Variants in AGBL1 observed in about 807,000 individuals in gnomAD.
AGBL1 encodes cytosolic carboxypeptidase 4.
AGBL1 carries 130 observed loss-of-function variants against 118.9 expected under a neutral mutation model. That is an observed-to-expected ratio of 1.09 (90% CI 0.95 to 1.26). The LOEUF (loss-of-function observed/expected upper bound fraction) is 1.26. AGBL1 is among the 50% of genes most tolerant of loss of function. The probability of loss-of-function intolerance (pLI) is 0.00; values close to 1 mark genes in which losing one functional copy is unlikely to be tolerated. For missense variants in AGBL1, 1,584 were observed against 1,298.1 expected, an observed-to-expected ratio of 1.22 and a Z score of -3.38; for synonymous variants, 555 against 478.9, an observed-to-expected ratio of 1.16 and a Z score of -2.08.
intron 17 of AGBL1, among the ~76,000 whole-genome samples, chr15:86,304,455 C>T (rs2141807882): frequency 6.6e-6 from 1 of 152,296 alleles, no homozygotes; most frequent in Admixed American, 6.5e-5. Context: ...CATGACCTTG[C>T]TACTTTTTTT....
chr15:86,918,057 A>C (rs1179378795), downstream of AGBL1, among the ~76,000 whole-genome samples: 2 of 152,214 alleles, frequency 1.3e-5, no homozygotes, highest in African/African-American at 4.8e-5. Flanking sequence ...AAGCCACCAA[A>C]GAGAATTCAG....
chr15:86,689,719 GA>G (rs1267278222), intron 22 of AGBL1, among the ~76,000 whole-genome samples: 8 of 152,022 alleles, frequency 5.3e-5, no homozygotes, highest in Non-Finnish European at 1.2e-4. Flanking sequence ...TGTAACTATA[GA>G]AACGATTGTC....
intron 18 of AGBL1, among the ~76,000 whole-genome samples, chr15:86,475,109 C>A (rs988331718): frequency 1.3e-5 from 2 of 152,130 alleles, no homozygotes; most frequent in Non-Finnish European, 2.9e-5. Flanking sequence ...GCAGATAAAA[C>A]CACAAAAGTG....
chr15:86,318,876 G>T (rs2080061723), intron 17 of AGBL1, among the ~76,000 whole-genome samples: 1 of 151,960 alleles, frequency 6.6e-6, no homozygotes, highest in Non-Finnish European at 1.5e-5. Context: ...GGTCTGTGAT[G>T]TACATTGTAG....
chr15:86,461,908 T>A (rs1452904756), intron 18 of AGBL1, among the ~76,000 whole-genome samples: 2 of 152,214 alleles, frequency 1.3e-5, no homozygotes, highest in East Asian at 3.9e-4. Context: ...GGCAATCGCA[T>A]CAAGGTGAGC....
intron 23 of AGBL1, among the ~76,000 whole-genome samples, chr15:86,926,794 G>A (rs1281996937): frequency 2.0e-5 from 3 of 152,190 alleles, no homozygotes; most frequent in African/African-American, 7.2e-5. Flanking sequence ...GAATTTCTAT[G>A]CATCATCAGA....
intron 22 of AGBL1, among the ~76,000 whole-genome samples, chr15:86,741,991 TA>T (rs1249923014): frequency 2.0e-5 from 3 of 147,764 alleles, no homozygotes; most frequent in East Asian, 2.0e-4. Context: ...TTTTTTTTTT[TA>T]AACTATGAGT....
chr15:86,161,259 C>T (rs1015017792), intron 5 of AGBL1, among the ~76,000 whole-genome samples: 1 of 152,186 alleles, frequency 6.6e-6, no homozygotes, highest in Non-Finnish European at 1.5e-5. Flanking sequence ...AGGAAAGAGG[C>T]TTTTCCACCA....
At chr15:86,996,776 T>C (rs2081384130) in intron 24 of AGBL1, among the ~76,000 whole-genome samples, 1 of 152,204 alleles carries the variant, frequency 6.6e-6, no homozygotes, top group Non-Finnish European at 1.5e-5. Flanking sequence ...ATAAGAATCA[T>C]TTACAATTCA....
chr15:86,837,852 A>G lies in AGBL1; in HGVS notation c.3159-69235A>G, dbSNP rs536839961. Among the ~76,000 whole-genome samples, 52 of 152,272 alleles carry G rather than the reference A, an allele frequency of 3.4e-4. 1 individual carries two copies. Among genetic ancestry groups the G allele is most frequent in the African/African-American group, 1.1e-3 (47 of 41,566 alleles). ...TGAAGACCAACCTTTCTTTCAGGCTAGTTCTGTATTCTCTTGCTAAGAGAC... is the reference window on the plus strand; with the variant it reads ...TGAAGACCAACCTTTCTTTCAGGCTGGTTCTGTATTCTCTTGCTAAGAGAC... On this transcript the variant is annotated intron_variant, in intron 22 of 22. Coordinates refer to ENST00000614907, the MANE Select transcript of AGBL1 (RefSeq NM_001386094.1).
Position 86,256,972 on chromosome 15 carries a change from G to T in AGBL1, c.855G>T (p.Pro285=). The change falls in exon 8 of 23, where the codon CCG becomes CCT. Residue 285 remains proline (P), a synonymous_variant. Coordinates refer to ENST00000614907, the MANE Select transcript of AGBL1 (RefSeq NM_001386094.1). The stretch of plus-strand genomic sequence containing the variant: ...CAGCCAGCAGTGCCTATGCCTTCCC[G>T]GTCCCCGGGTGCATCACCACTGAAC... ...LVTASSAYAF[P]VPGCITTEPP... 1.9e-6 allele frequency: 3 copies of T among 1,613,840 alleles called. No homozygotes were observed. The highest frequency in any genetic ancestry group is 1.1e-5 in the South Asian group (1 of 91,068).
Position 86,597,382 on chromosome 15 carries a change from T to G in AGBL1, c.2994+42845T>G, listed in dbSNP as rs527316789. On this transcript the variant is annotated intron_variant, in intron 21 of 22. Coordinates refer to ENST00000614907, the MANE Select transcript of AGBL1 (RefSeq NM_001386094.1). ...TATTCAGAAATTTTACGAGCTGGCT[T>G]TTAAAATAGTGGTAGCTTGAAATTG... 2.6e-4 allele frequency among the ~76,000 whole-genome samples: 39 copies of G among 152,316 alleles called. No homozygotes were observed. In the East Asian group the frequency reaches 7.1e-3, roughly 28 times the overall value.
intron 17 of AGBL1, among the ~76,000 whole-genome samples, chr15:86,387,445 T>C (rs1334730334): frequency 6.6e-6 from 1 of 152,112 alleles, no homozygotes; most frequent in Non-Finnish European, 1.5e-5. Flanking sequence ...GGTTTTCGTT[T>C]TCACACCTTA....
intron 23 of AGBL1, among the ~76,000 whole-genome samples, chr15:86,953,276 T>C (rs1289444666): frequency 1.3e-5 from 2 of 152,188 alleles, no homozygotes; most frequent in Non-Finnish European, 1.5e-5. Flanking sequence ...TTTAACTATA[T>C]TGATTCTTCC....
chr15:86,500,460 G>A (rs1424178328), intron 18 of AGBL1, among the ~76,000 whole-genome samples: 5 of 151,744 alleles, frequency 3.3e-5, no homozygotes, highest in Non-Finnish European at 7.4e-5. Context: ...GGACTATTTG[G>A]AATATGAAAT....
At chr15:86,413,607 C>T (rs924439424) in intron 18 of AGBL1, among the ~76,000 whole-genome samples, 5 of 152,018 alleles carry the variant, frequency 3.3e-5, no homozygotes, top group African/African-American at 1.2e-4. Flanking sequence ...TTTTAATTTA[C>T]ATTTTTCTGA....
chr15:86,711,819 C>T (rs1474145540), intron 22 of AGBL1, among the ~76,000 whole-genome samples: 2 of 152,026 alleles, frequency 1.3e-5, no homozygotes, highest in African/African-American at 4.8e-5. Flanking sequence ...TCTGGCACTT[C>T]AGAGAAAAAA....
chr15:86,450,589 A>C (rs927011214), intron 18 of AGBL1, among the ~76,000 whole-genome samples: 2 of 152,204 alleles, frequency 1.3e-5, no homozygotes, highest in African/African-American at 4.8e-5. Flanking sequence ...TTACTTACCC[A>C]AAACCTAACT....
Position 86,615,940 on chromosome 15 carries a change from A to T in AGBL1, c.2995-58333A>T, listed in dbSNP as rs1029592815. On this transcript the variant is annotated intron_variant, in intron 21 of 22. Transcript: ENST00000614907. The surrounding 1 kb of genome is among the most constrained non-coding windows in gnomAD (Gnocchi z 4.3). ...AGATGTCAACAGGAAATAAAAAAAA[A>T]ATACTCCCACGGAAGTGGAAGGTAA... Among the ~76,000 whole-genome samples, 7 of 152,172 alleles carry T rather than the reference A, an allele frequency of 4.6e-5. No homozygotes were observed. The highest frequency in any genetic ancestry group is 1.7e-4 in the African/African-American group (7 of 41,442).
Sources: gnomAD v4.1 joint callset for allele counts (sites outside exome capture counted in the v4.1 genomes callset) on GRCh38, gnomAD v4.1.1 for gene constraint, Gnocchi (gnomAD v3.1) non-coding constraint, MANE v1.5 for transcripts, NCBI Gene and HGNC (gene_info 2026-07-23, HGNC 2026-07-21) for gene names.